GRID2IP: variants seen among roughly 807,000 people sequenced by gnomAD.
The protein encoded by GRID2IP is delphilin.
In GRID2IP, 78 loss-of-function variants were observed where a neutral mutation model predicts 114.3. The ratio of observed to expected loss-of-function variants is 0.68; its 90% CI spans 0.57 to 0.82. GRID2IP has a LOEUF of 0.82. Among genes scored for constraint, GRID2IP ranks in the 40% least tolerant of loss-of-function variants. The probability of loss-of-function intolerance (pLI) is 0.00; values close to 1 mark genes in which losing one functional copy is unlikely to be tolerated. For missense variants in GRID2IP, 1,727 were observed against 1,678.5 expected (o/e 1.03, Z -0.51); for synonymous variants, 809 against 724.0 (o/e 1.12, Z -1.89).
intron 1 of GRID2IP, among the ~76,000 whole-genome samples, chr7:6,549,707 G>A (rs1490131732): frequency 2.0e-5 from 3 of 151,960 alleles, no homozygotes; most frequent in Non-Finnish European, 4.4e-5. Context: ...TGCAACCTCC[G>A]TCTCCCAAGC....
chr7:6,499,367 G>C (rs919634813), intron 20 of GRID2IP, among the ~76,000 whole-genome samples: 18 of 152,216 alleles, frequency 1.2e-4, no homozygotes, highest in Admixed American at 1.1e-3. Flanking sequence ...AAATGAGCCA[G>C]GATTTGGGCC....
At position 6,521,982 on chromosome 7, in the gene GRID2IP, C is replaced by G. The variant is rs762217836; in HGVS notation, c.920-25G>C. ...CCTGGAAGCAAGAAGAGAGGGTGTG[C>G]CGGTCAGCTGGGCAGGGTACCACTT... is the stretch of plus-strand genomic sequence containing the variant. On this transcript the variant is annotated intron_variant, in intron 4 of 21. Coordinates refer to ENST00000457091, the MANE Select transcript of GRID2IP (RefSeq NM_001145118.2). The surrounding 1 kb of genome is among the most constrained non-coding windows in gnomAD (Gnocchi z 4.1). The G allele has an allele frequency of 2.6e-6, 4 of 1,541,610 alleles. No homozygotes were observed. The highest frequency in any genetic ancestry group is 8.8e-7 in the Non-Finnish European group (1 of 1,138,386).
At chr7:6,525,710 C>T (rs1008777509) in intron 4 of GRID2IP, among the ~76,000 whole-genome samples, 9 of 152,138 alleles carry the variant, frequency 5.9e-5, no homozygotes, top group South Asian at 4.1e-4. Flanking sequence ...GGGAGGAGAG[C>T]GAAGTCCATA....
chr7:6,509,328 G>T lies in GRID2IP; in HGVS notation c.1772-15C>A. ...GGTCCTGGGCCCTGGAGGAGGGATG[G>T]AGTATGAGGATTCCTCTTCAGCCAG... On this transcript the variant is annotated splice_polypyrimidine_tract_variant and intron_variant, in intron 11 of 21. Coordinates refer to ENST00000457091, the MANE Select transcript of GRID2IP (RefSeq NM_001145118.2). This position sits in a 1 kb window ranked among gnomAD's most constrained non-coding sequence, Gnocchi z 4.9. The T allele has an allele frequency of 6.8e-7, 1 of 1,477,646 alleles. No homozygotes were observed. Among genetic ancestry groups the T allele is most frequent in the Non-Finnish European group, 9.0e-7 (1 of 1,111,992 alleles). The allele number at this position is 1,477,646 out of a possible 1,614,324, so 91.5% of individuals were successfully genotyped here. A position where few individuals can be genotyped will look rare whatever the true frequency, so the allele number is the denominator to read the frequency against.
intron 16 of GRID2IP, 65 bp from the exon 17 acceptor site, chr7:6,503,228 CTTTGGGG>C: frequency 4.2e-6 from 2 of 476,252 alleles, no homozygotes; most frequent in Non-Finnish European, 7.4e-6. Context: ...CCACCGCAGG[CTTTGGGG>C]TGGGAGGGGG....
At position 6,509,879 on chromosome 7, in the gene GRID2IP, GAGTGC is replaced by G. The variant is rs1294350540; in HGVS notation, c.1771+399_1771+403del. ...GTCTTACTCTGTTGCTTATAGGCTA[GAGTGC>G]AGTGGTTCGAAATAGCTCACTGCAG... On this transcript the variant is annotated intron_variant, in intron 11 of 21. Transcript: ENST00000457091. This position sits in a 1 kb window ranked among gnomAD's most constrained non-coding sequence, Gnocchi z 4.9. Among the ~76,000 whole-genome samples the G allele has an allele frequency of 2.0e-5, 3 of 152,168 alleles. No individual in the cohort carries two copies. Among genetic ancestry groups the G allele is most frequent in the African/African-American group, 7.2e-5 (3 of 41,446 alleles).
In GRID2IP at chr7:6,547,679, T is replaced by C. The variant is rs189089952; in HGVS notation, c.429+3329A>G. Among the ~76,000 whole-genome samples the C allele has an allele frequency of 1.7e-3, 254 of 152,164 alleles. 8 individuals carry two copies. Among genetic ancestry groups the C allele is most frequent in the Admixed American group, 0.014 (215 of 15,260 alleles). ...GTAGGGAAGCTGGAGTTGAGTCCTG[T>C]GTGTATGCGAGTGTGTGTATCTGGC... On this transcript the variant is annotated intron_variant, in intron 1 of 21. Transcript: ENST00000457091.
chr7:6,503,453 C>A lies in GRID2IP; in HGVS notation c.2907+38G>T, dbSNP rs1035072277. ...GGCCACAGCGACAGCCCCTGTGGAG[C>A]CGGCCGAGGCCTCGGGGCGGGGTTG... is the stretch of plus-strand genomic sequence containing the variant. On this transcript the variant is annotated intron_variant, in intron 16 of 21. Coordinates refer to ENST00000457091, the MANE Select transcript of GRID2IP (RefSeq NM_001145118.2). The A allele has an allele frequency of 1.2e-5, 17 of 1,477,368 alleles. No individual in the cohort carries two copies. The African/African-American group carries it at 2.5e-4, about 21-fold the overall frequency. The allele number at this position is 1,477,368 out of a possible 1,614,324, so 91.5% of individuals were successfully genotyped here. A position where few individuals can be genotyped will look rare whatever the true frequency, so the allele number is the denominator to read the frequency against.
At chr7:6,498,811 C>T (rs1181475944) in intron 20 of GRID2IP, among the ~76,000 whole-genome samples, 1 of 151,960 alleles carries the variant, frequency 6.6e-6, no homozygotes, top group Non-Finnish European at 1.5e-5. Flanking sequence ...TCTCAAACTC[C>T]TGGGCTCAAG....
At chr7:6,512,231 CTTTTT>C (rs1002835555) in intron 8 of GRID2IP, among the ~76,000 whole-genome samples, 3 of 90,204 alleles carry the variant, frequency 3.3e-5, no homozygotes, top group African/African-American at 9.2e-5. Context: ...TTCTTTTCTT[CTTTTT>C]TTTTTTTTTT....
rs904185556 is a variant in GRID2IP, at chr7:6,505,921, T to C, written c.2545-14A>G. The stretch of plus-strand genomic sequence containing the variant: ...GTCTTCCCCGAGCTGCGAGGGAGGA[T>C]GGGAGGTTCAGAGTAGGAGGAGCAG... On this transcript the variant is annotated splice_polypyrimidine_tract_variant and intron_variant, in intron 13 of 21. Transcript: ENST00000457091. The C allele has an allele frequency of 4.9e-5, 76 of 1,538,890 alleles. No individual in the cohort carries two copies. The highest frequency in any genetic ancestry group is 6.4e-5 in the Non-Finnish European group (73 of 1,135,704).
In GRID2IP at chr7:6,551,333, C is replaced by T. The variant is rs1779978320; in HGVS notation, c.104G>A (p.Gly35Glu). Residue 35 changes from glycine (G) to glutamate (E), a missense_variant, in exon 1 of 22, where the codon GGG (glycine) becomes GAG (glutamate). Coordinates refer to ENST00000457091, the MANE Select transcript of GRID2IP (RefSeq NM_001145118.2). Reference sequence around the variant, plus strand: ...CAGTCCTCCGGCATGCGCGCTGCTCCCCTTGGCCACCTCCAGGACGAAGCA... The same window carrying T: ...CAGTCCTCCGGCATGCGCGCTGCTCTCCTTGGCCACCTCCAGGACGAAGCA... ...GPCFVLEVAK[G>E]SSAHAGGLRP... 6.5e-7 allele frequency: 1 copy of T among 1,548,056 alleles called. No homozygotes were observed. The highest frequency in any genetic ancestry group is 1.2e-5 in the South Asian group (1 of 84,042).
At chr7:6,502,464 C>T (rs1184302870) in intron 18 of GRID2IP, among the ~76,000 whole-genome samples, 1 of 152,164 alleles carries the variant, frequency 6.6e-6, no homozygotes, top group African/African-American at 2.4e-5. Context: ...GATCCTCTCA[C>T]CTTGGCCTCC....
rs1242383085 is a variant in GRID2IP, at chr7:6,521,262, T to C, written c.1084+167A>G. Reference sequence around the variant, plus strand: ...CTGGGATTCCAGGCATGAGCCACCATGCCCAGCCTCACTGGGGTTCTATAG... The same window carrying C: ...CTGGGATTCCAGGCATGAGCCACCACGCCCAGCCTCACTGGGGTTCTATAG... On this transcript the variant is annotated intron_variant, in intron 6 of 21. Coordinates refer to ENST00000457091, the MANE Select transcript of GRID2IP (RefSeq NM_001145118.2). The surrounding 1 kb of genome is among the most constrained non-coding windows in gnomAD (Gnocchi z 4.1). 2.0e-5 allele frequency among the ~76,000 whole-genome samples: 3 copies of C among 152,170 alleles called. No individual in the cohort carries two copies. The highest frequency in any genetic ancestry group is 7.2e-5 in the African/African-American group (3 of 41,444).
chr7:6,511,516 G>A (rs1779159775), intron 8 of GRID2IP, among the ~76,000 whole-genome samples: 1 of 151,954 alleles, frequency 6.6e-6, no homozygotes, highest in African/African-American at 2.4e-5. Context: ...GGGATTACAG[G>A]TGTCCGTCAC....
chr7:6,547,882 G>C (rs1187084813), intron 1 of GRID2IP, among the ~76,000 whole-genome samples: 1 of 152,110 alleles, frequency 6.6e-6, no homozygotes, highest in Admixed American at 6.6e-5. Context: ...TGGGCTGGGA[G>C]GCATTTCTGC....
chr7:6,508,225 C>A lies in GRID2IP; in HGVS notation c.2304G>T (p.Lys768Asn). The A allele has an allele frequency of 1.6e-6, 2 of 1,266,678 alleles. No individual in the cohort carries two copies. The highest frequency in any genetic ancestry group is 1.3e-5 in the South Asian group (1 of 75,484). The allele number at this position is 1,266,678 out of a possible 1,614,324, so 78.5% of individuals were successfully genotyped here. ...AACCATCAGAGCTGCGGGAGCTGGGCTTAGCGTCATGGAAAGGCAGGGGTG... is the reference window on the plus strand; with the variant it reads ...AACCATCAGAGCTGCGGGAGCTGGGATTAGCGTCATGGAAAGGCAGGGGTG... ...PPPPLPFHDAKPSSRSSDGSR... is the reference protein window; with the variant it reads ...PPPPLPFHDANPSSRSSDGSR... Residue 768 changes from lysine (K) to asparagine (N), a missense_variant, in exon 13 of 22, where the codon AAG becomes AAT. Physicochemically the swap from Lys to Asn is moderately conservative, Grantham distance 94. Transcript: ENST00000457091. The surrounding 1 kb of genome is among the most constrained non-coding windows in gnomAD (Gnocchi z 5.6).
At chr7:6,550,985 C>CCCCA in intron 1 of GRID2IP, 23 bp downstream of exon 1, 2 of 1,201,054 alleles carry the variant, frequency 1.7e-6, no homozygotes, top group Non-Finnish European at 2.1e-6. Context: ...TTCCCGCCCC[C>CCCCA]ACCTCCCACC....
intron 2 of GRID2IP, among the ~76,000 whole-genome samples, chr7:6,537,078 G>A (rs1428396920): frequency 2.6e-5 from 4 of 152,122 alleles, no homozygotes; most frequent in Non-Finnish European, 4.4e-5. Flanking sequence ...AGGAGGCTGG[G>A]TGAGGAGGGA....
Sources: allele counts gnomAD v4.1 joint callset (sites outside exome capture counted in the v4.1 genomes callset), GRCh38; gene constraint gnomAD v4.1.1; non-coding constraint Gnocchi (gnomAD v3.1); transcripts MANE v1.5; gene names NCBI Gene and HGNC (gene_info 2026-07-23, HGNC 2026-07-21).